Variants in GUCY1A2 observed in about 807,000 individuals in gnomAD.
The protein encoded by GUCY1A2 is guanylate cyclase soluble subunit alpha-2.
Under a neutral mutation model 63.5 loss-of-function variants are expected in GUCY1A2, and 27 were observed. That is an observed-to-expected ratio of 0.43 (90% CI 0.31 to 0.59). The LOEUF is 0.59. GUCY1A2 is among the 20% of genes least tolerant of loss of function. The pLI is 0.11. For synonymous variants in GUCY1A2, 364 were observed against 343.5 expected (o/e 1.06, Z -0.66); for missense variants, 768 against 913.3 (o/e 0.84, Z 2.05).
At chr11:106,944,896 T>C (rs1245923575) in intron 3 of GUCY1A2, among the ~76,000 whole-genome samples, 2 of 152,154 alleles carry the variant, frequency 1.3e-5, no homozygotes, top group Non-Finnish European at 2.9e-5. Context: ...AGATAGTCCC[T>C]TGTAGTATTT....
At chr11:106,970,754 TA>T (rs1268861191) in intron 3 of GUCY1A2, among the ~76,000 whole-genome samples, 2 of 152,092 alleles carry the variant, frequency 1.3e-5, no homozygotes, top group African/African-American at 4.8e-5. Context: ...GTAGTCTACA[TA>T]AAAACTTGCA....
chr11:106,967,730 AGGAG>A (rs143647339), intron 3 of GUCY1A2, among the ~76,000 whole-genome samples: 32,646 of 112,166 alleles, frequency 0.29, 4,288 homozygotes, highest in African/African-American at 0.33. Context: ...AAGGGAGGAA[AGGAG>A]GGAGGGAGGG....
chr11:106,901,494 A>G (rs373210076), intron 4 of GUCY1A2, among the ~76,000 whole-genome samples: 4 of 152,186 alleles, frequency 2.6e-5, no homozygotes, highest in African/African-American at 9.6e-5. Context: ...AGGTTTTCTT[A>G]TTTATTTTTG....
intron 6 of GUCY1A2, among the ~76,000 whole-genome samples, chr11:106,772,799 C>A (rs1282201010): frequency 6.6e-6 from 1 of 152,136 alleles, no homozygotes; most frequent in Non-Finnish European, 1.5e-5. Context: ...GAGAAGCCTG[C>A]CCAGCTGGTA....
At chr11:106,805,724 T>A (rs1858674397) in intron 5 of GUCY1A2, among the ~76,000 whole-genome samples, 1 of 152,194 alleles carries the variant, frequency 6.6e-6, no homozygotes, top group African/African-American at 2.4e-5. Context: ...AGGTGCTGGC[T>A]GGTTTCTAAC....
At chr11:106,933,827 C>T (rs933330897) in intron 4 of GUCY1A2, among the ~76,000 whole-genome samples, 7 of 152,104 alleles carry the variant, frequency 4.6e-5, no homozygotes, top group African/African-American at 1.7e-4. Context: ...CTTGAGGCCA[C>T]CATTCTAAGC....
At chr11:106,982,923 T>C (rs1361041854) in intron 2 of GUCY1A2, among the ~76,000 whole-genome samples, 1 of 152,200 alleles carries the variant, frequency 6.6e-6, no homozygotes, top group African/African-American at 2.4e-5. Context: ...GTGTGATCCC[T>C]GGACAAGCAG....
At chr11:106,862,876 T>G (rs1190737485) in intron 4 of GUCY1A2, among the ~76,000 whole-genome samples, 1 of 152,086 alleles carries the variant, frequency 6.6e-6, no homozygotes, top group Non-Finnish European at 1.5e-5. Context: ...CTTTTAAACT[T>G]CTCTCTTTCA....
chr11:106,784,262 G>A (rs1375713713), intron 5 of GUCY1A2, among the ~76,000 whole-genome samples: 1 of 152,034 alleles, frequency 6.6e-6, no homozygotes, highest in Non-Finnish European at 1.5e-5. Flanking sequence ...TATTGCCTGA[G>A]TCCCGGTGCC....
At chr11:106,922,908 G>A (rs1176082394) in intron 4 of GUCY1A2, among the ~76,000 whole-genome samples, 1 of 151,614 alleles carries the variant, frequency 6.6e-6, no homozygotes, top group African/African-American at 2.4e-5. Context: ...CAGTGGCAAC[G>A]AAAGAAGATA....
chr11:106,899,229 G>A (rs1478483301), intron 4 of GUCY1A2, among the ~76,000 whole-genome samples: 4 of 152,068 alleles, frequency 2.6e-5, no homozygotes, highest in Admixed American at 6.5e-5. Context: ...CAAAAAACAC[G>A]ATAGTGAATG....
At chr11:106,839,796 G>A (rs1859170838) in intron 4 of GUCY1A2, among the ~76,000 whole-genome samples, 1 of 149,026 alleles carries the variant, frequency 6.7e-6, no homozygotes, top group African/African-American at 2.5e-5. Context: ...ACTCACAGGT[G>A]GGAATTGAAC....
chr11:106,709,291 A>T (rs541197440), intron 6 of GUCY1A2, among the ~76,000 whole-genome samples: 1,208 of 51,458 alleles, frequency 0.023, 34 homozygotes, highest in African/African-American at 0.15. Context: ...ATTTATATAT[A>T]TTTATATTTT....
chr11:106,762,403 T>A (rs1252019561), intron 6 of GUCY1A2, among the ~76,000 whole-genome samples: 2 of 152,090 alleles, frequency 1.3e-5, no homozygotes, highest in African/African-American at 4.8e-5. Context: ...GTTGGTAACA[T>A]TTAATTCAGT....
At chr11:106,839,019 G>A (rs1859156527) in intron 4 of GUCY1A2, among the ~76,000 whole-genome samples, 1 of 152,056 alleles carries the variant, frequency 6.6e-6, no homozygotes, top group Non-Finnish European at 1.5e-5. Context: ...TGTTGCCATA[G>A]CTTTTGGTGT....
chr11:106,993,697 G>A (rs935539803), intron 1 of GUCY1A2, among the ~76,000 whole-genome samples: 31 of 151,946 alleles, frequency 2.0e-4, no homozygotes, highest in African/African-American at 7.3e-4. Flanking sequence ...TTTCCCATCC[G>A]AAAAACATAT....
At chr11:106,763,738 C>G (rs891505351) in intron 6 of GUCY1A2, among the ~76,000 whole-genome samples, 2 of 152,092 alleles carry the variant, frequency 1.3e-5, no homozygotes, top group African/African-American at 4.8e-5. Flanking sequence ...GCAGTTCAGT[C>G]TGCAACTCAA....
intron 4 of GUCY1A2, among the ~76,000 whole-genome samples, chr11:106,837,796 C>T (rs549461783): frequency 4.6e-5 from 7 of 152,078 alleles, no homozygotes; most frequent in African/African-American, 1.7e-4. Context: ...CACTGTATTG[C>T]AACTGTTCCC....
At chr11:106,758,625 C>T (rs1864013868) in intron 6 of GUCY1A2, among the ~76,000 whole-genome samples, 2 of 152,148 alleles carry the variant, frequency 1.3e-5, no homozygotes, top group Non-Finnish European at 2.9e-5. Context: ...TGCTATTCGG[C>T]CATCTTGAAA....
Sources: allele counts gnomAD v4.1 joint callset (sites outside exome capture counted in the v4.1 genomes callset), GRCh38; gene constraint gnomAD v4.1.1; transcripts MANE v1.5; gene names NCBI Gene and HGNC (gene_info 2026-07-23, HGNC 2026-07-21).